STPG4: variants seen among roughly 807,000 people sequenced by gnomAD.
The protein encoded by STPG4 is sperm-tail PG-rich repeat containing 4.
STPG4 carries 41 observed loss-of-function variants against 31.5 expected under a neutral mutation model. That is an observed-to-expected ratio of 1.30 (90% CI 1.01 to 1.69). The LOEUF is 1.69. Among genes scored for constraint, STPG4 ranks in the 40% most tolerant of loss-of-function variants. STPG4 has a pLI of 0.00. For missense variants in STPG4, 375 were observed against 293.4 expected, an observed-to-expected ratio of 1.28 and a Z score of -2.03; for synonymous variants, 141 against 103.0, an observed-to-expected ratio of 1.37 and a Z score of -2.24.
chr2:47,147,212 C>G (rs1686841712), intron 3 of STPG4, among the ~76,000 whole-genome samples: 1 of 152,074 alleles, frequency 6.6e-6, no homozygotes, highest in African/African-American at 2.4e-5. Flanking sequence ...CCATTCAGTG[C>G]CCATCAGAGG....
chr2:47,145,885 G>T (rs1686810968), intron 3 of STPG4, among the ~76,000 whole-genome samples: 2 of 152,292 alleles, frequency 1.3e-5, no homozygotes, highest in African/African-American at 4.8e-5. Flanking sequence ...AAATATAAGA[G>T]CCAGGTAGGG....
At chr2:47,105,443 C>T (rs142363215) in intron 5 of STPG4, among the ~76,000 whole-genome samples, 4,270 of 152,000 alleles carry the variant, frequency 0.028, 244 homozygotes, top group African/African-American at 0.091. Context: ...AGATACCAGG[C>T]GCTACTCCTT....
intron 5 of STPG4, among the ~76,000 whole-genome samples, chr2:47,093,114 C>T (rs899271506): frequency 6.6e-6 from 1 of 152,214 alleles, no homozygotes; most frequent in African/African-American, 2.4e-5. Flanking sequence ...TAAAGCAAGG[C>T]TTTCCCATTC....
intron 3 of STPG4, among the ~76,000 whole-genome samples, chr2:47,133,621 A>T (rs1028443027): frequency 9.4e-6 from 1 of 106,788 alleles, no homozygotes. Flanking sequence ...CTTGTCGCCC[A>T]GGCTGGAGTG....
chr2:47,129,856 T>C (rs116690761), intron 5 of STPG4, 85 bp downstream of exon 5: 26,193 of 1,559,476 alleles, frequency 0.017, 294 homozygotes, highest in African/African-American at 0.033. Context: ...GAGGGTTCTA[T>C]GTGGCCACCT....
rs748180095 is a variant in STPG4, at chr2:47,155,170, C to A, written c.81+1G>T. The A allele has an allele frequency of 2.0e-5, 32 of 1,614,010 alleles. No individual in the cohort carries two copies. Among genetic ancestry groups the A allele is most frequent in the Non-Finnish European group, 2.5e-5 (30 of 1,179,958 alleles). ...GGCCGGCAAGGGGCAGGCCATCTTA[C>A]CGAAGCTGTGATGAATGATTCTCCA... On this transcript the variant is annotated splice_donor_variant, in intron 1 of 6. Coordinates refer to ENST00000445927, the MANE Select transcript of STPG4 (RefSeq NM_001163561.2). LOFTEE classifies it high-confidence loss of function.
chr2:47,108,125 A>G (rs1685960842), intron 5 of STPG4, among the ~76,000 whole-genome samples: 1 of 150,908 alleles, frequency 6.6e-6, no homozygotes, highest in African/African-American at 2.4e-5. Flanking sequence ...TCTAGTGGGG[A>G]CTTAGAGAAC....
intron 3 of STPG4, among the ~76,000 whole-genome samples, chr2:47,148,247 C>T (rs1220476235): frequency 6.6e-6 from 1 of 151,806 alleles, no homozygotes; most frequent in African/African-American, 2.4e-5. Context: ...GCACATAGCC[C>T]CTATATATAT....
chr2:47,112,422 C>T (rs147322504), intron 5 of STPG4, among the ~76,000 whole-genome samples: 217 of 151,774 alleles, frequency 1.4e-3, no homozygotes, highest in East Asian at 1.2e-3. Context: ...CTGCCCACCT[C>T]GGCCTCCCAA....
chr2:47,111,289 T>C (rs958261771), intron 5 of STPG4, among the ~76,000 whole-genome samples: 2 of 152,162 alleles, frequency 1.3e-5, no homozygotes, highest in African/African-American at 4.8e-5. Context: ...GATTAATAAG[T>C]AGTCATCAAA....
intron 5 of STPG4, chr2:47,129,595 C>G (rs551370558): frequency 2.2e-5 from 5 of 228,510 alleles, no homozygotes; most frequent in African/African-American, 1.2e-4. Context: ...CCCCCCGTCA[C>G]GGCATTCCCT....
At chr2:47,110,053 T>G (rs986847893) in intron 5 of STPG4, among the ~76,000 whole-genome samples, 3 of 148,620 alleles carry the variant, frequency 2.0e-5, no homozygotes, top group Admixed American at 6.6e-5. Flanking sequence ...GAAACCCACT[T>G]TTTTTTGTTC....
At chr2:47,111,971 G>A (rs942729135) in intron 5 of STPG4, among the ~76,000 whole-genome samples, 8 of 152,176 alleles carry the variant, frequency 5.3e-5, no homozygotes, top group Admixed American at 4.6e-4. Context: ...AAGGCTGCAT[G>A]TTTTGTTTTG....
At chr2:47,119,491 G>A (rs1686223258) in intron 5 of STPG4, among the ~76,000 whole-genome samples, 1 of 152,118 alleles carries the variant, frequency 6.6e-6, no homozygotes, top group African/African-American at 2.4e-5. Context: ...TTATTTTTCA[G>A]TTGTTCTGTA....
intron 1 of STPG4, among the ~76,000 whole-genome samples, chr2:47,154,320 T>C (rs1355351338): frequency 6.6e-6 from 1 of 152,210 alleles, no homozygotes; most frequent in Non-Finnish European, 1.5e-5. Context: ...TCTGTTGCAC[T>C]TTTATAGTCA....
intron 6 of STPG4, among the ~76,000 whole-genome samples, chr2:47,089,149 G>A (rs1233016834): frequency 6.6e-6 from 1 of 152,186 alleles, no homozygotes; most frequent in Non-Finnish European, 1.5e-5. Context: ...ATCTTCTGTT[G>A]CCTGGGAGTT....
At chr2:47,101,251 ACT>A (rs1685793851) in intron 5 of STPG4, among the ~76,000 whole-genome samples, 1 of 150,062 alleles carries the variant, frequency 6.7e-6, no homozygotes, top group African/African-American at 2.5e-5. Context: ...ACAACCCCCG[ACT>A]CTTCAGAGTT....
intron 5 of STPG4, among the ~76,000 whole-genome samples, chr2:47,120,005 T>C (rs1686234535): frequency 6.6e-6 from 1 of 152,186 alleles, no homozygotes; most frequent in African/African-American, 2.4e-5. Context: ...TTTTCTGATT[T>C]GCAGTTGGAT....
chr2:47,138,904 T>A (rs1348542983), intron 3 of STPG4, among the ~76,000 whole-genome samples: 1 of 152,078 alleles, frequency 6.6e-6, no homozygotes, highest in African/African-American at 2.4e-5. Context: ...AGGCTGGTCT[T>A]GAACTCCTGA....
Sources: allele counts gnomAD v4.1 joint callset (sites outside exome capture counted in the v4.1 genomes callset), GRCh38; gene constraint gnomAD v4.1.1; transcripts MANE v1.5; gene names NCBI Gene and HGNC (gene_info 2026-07-23, HGNC 2026-07-21).